TMEM181: variants seen among roughly 807,000 people sequenced by gnomAD.
TMEM181 encodes G protein-coupled receptor 178.
A neutral mutation model predicts 71.9 loss-of-function variants in TMEM181; 39 were observed. The ratio of observed to expected loss-of-function variants is 0.54; its 90% confidence interval spans 0.42 to 0.71. The LOEUF is 0.71. Among genes scored for constraint, TMEM181 ranks in the 30% least tolerant of loss-of-function variants. TMEM181 has a pLI of 0.00. For synonymous variants in TMEM181, 245 were observed against 228.8 expected, an observed-to-expected ratio of 1.07 and a Z score of -0.64; for missense variants, 595 against 583.0, an observed-to-expected ratio of 1.02 and a Z score of -0.21.
At chr6:158,555,162 G>A (rs62437761), upstream of TMEM181, among the ~76,000 whole-genome samples, 3,051 of 152,292 alleles carry the variant, frequency 0.02, 32 homozygotes, top group Non-Finnish European at 0.033. Context: ...AATGTTAGCA[G>A]GGTTTCCTTC....
intron 6 of TMEM181, among the ~76,000 whole-genome samples, chr6:158,601,080 CAA>C (rs563873984): frequency 2.0e-5 from 3 of 152,132 alleles, no homozygotes; most frequent in Non-Finnish European, 2.9e-5. Flanking sequence ...CCCAAATGCT[CAA>C]GTCGTTACTT....
chr6:158,540,712 A>T (rs886970197), intron 1 of TMEM181, among the ~76,000 whole-genome samples: 1 of 149,802 alleles, frequency 6.7e-6, no homozygotes, highest in African/African-American at 2.4e-5. Context: ...ACCCTGGGGG[A>T]ATTGGTAAGA....
intron 6 of TMEM181, among the ~76,000 whole-genome samples, chr6:158,594,875 A>G (rs1004803790): frequency 2.3e-4 from 35 of 152,098 alleles, no homozygotes; most frequent in African/African-American, 8.5e-4. Flanking sequence ...TTTAGTAGAG[A>G]CGAGGTTTCA....
intron 2 of TMEM181, among the ~76,000 whole-genome samples, chr6:158,579,450 A>G (rs574991712): frequency 6.1e-4 from 91 of 149,590 alleles, no homozygotes; most frequent in African/African-American, 2.1e-3. Context: ...GGCCGGGCGC[A>G]GTGGCTCACG....
In TMEM181 at chr6:158,625,031, C is replaced by T. The variant is rs1583054317; in HGVS notation, c.955-73C>T. 1.7e-5 allele frequency: 20 copies of T among 1,183,658 alleles called. No individual in the cohort carries two copies. In the East Asian group the frequency reaches 3.5e-4, roughly 21 times the overall value. 73.3% of individuals were successfully genotyped at this position (1,183,658 alleles called of 1,614,324 possible). On this transcript the variant is annotated intron_variant, in intron 11 of 16. Transcript: ENST00000684151. ...CTTCTAAAAACCTGTGGCTTTCCTG[C>T]CTGTGGTGGTGCTGGGAGGAGAAGG... is the stretch of plus-strand genomic sequence containing the variant.
At position 158,632,653 on chromosome 6, in the gene TMEM181, A is replaced by G. The variant is rs1346334587; in HGVS notation, c.*765A>G. ...GGCCTGTGTGTACACACATGATTAA[A>G]TGGATTTGCCTGTGGGAGGTATGGG... On this transcript the variant is annotated 3_prime_UTR_variant, in exon 17 of 17. Transcript: ENST00000684151. 6.6e-6 allele frequency: 1 copy of G among 152,322 alleles called. No individual in the cohort carries two copies. Among genetic ancestry groups the G allele is most frequent in the Non-Finnish European group, 1.5e-5 (1 of 68,088 alleles). The allele number at this position is 152,322 out of a possible 1,614,324, so 9.4% of individuals were successfully genotyped here.
intron 3 of TMEM181, 62 bp downstream of exon 3, chr6:158,581,057 G>A: frequency 2.7e-6 from 4 of 1,504,906 alleles, no homozygotes; most frequent in Non-Finnish European, 3.7e-6. Flanking sequence ...AGGTCACTGA[G>A]AAATGGTTCC....
At chr6:158,605,966 C>T (rs181836353) in intron 7 of TMEM181, among the ~76,000 whole-genome samples, 4 of 152,280 alleles carry the variant, frequency 2.6e-5, no homozygotes, top group African/African-American at 7.2e-5. Flanking sequence ...CGAAGTGTGG[C>T]GTTCTGCCTG....
At chr6:158,624,058 G>A (rs992429762) in intron 11 of TMEM181, among the ~76,000 whole-genome samples, 8 of 152,148 alleles carry the variant, frequency 5.3e-5, no homozygotes, top group East Asian at 1.9e-4. Context: ...CACTGTACCC[G>A]GCAGAAAAGC....
At chr6:158,548,849 G>A (rs1306642991) in intron 1 of TMEM181, among the ~76,000 whole-genome samples, 3 of 152,186 alleles carry the variant, frequency 2.0e-5, no homozygotes, top group Non-Finnish European at 2.9e-5. Context: ...TACGTGTTTC[G>A]GTTTGATAGC....
rs1252491728 is a variant in TMEM181, at chr6:158,632,080, G to A, written c.*192G>A. 2 of 584,484 alleles carry A rather than the reference G, an allele frequency of 3.4e-6. No homozygotes were observed. The highest frequency in any genetic ancestry group is 6.0e-6 in the Non-Finnish European group (2 of 332,276). 36.2% of individuals were successfully genotyped at this position (584,484 alleles called of 1,614,324 possible). A position where few individuals can be genotyped will look rare whatever the true frequency, so the allele number is the denominator to read the frequency against. ...GTTTAGCCAAATTTATTGTCATGGTGGCTACGAGAAGAGGCATTGATAACA... is the reference window on the plus strand; with the variant it reads ...GTTTAGCCAAATTTATTGTCATGGTAGCTACGAGAAGAGGCATTGATAACA... On this transcript the variant is annotated 3_prime_UTR_variant, in exon 17 of 17. Transcript: ENST00000684151.
intron 2 of TMEM181, among the ~76,000 whole-genome samples, chr6:158,576,225 A>G (rs567353657): frequency 6.6e-6 from 1 of 152,280 alleles, no homozygotes; most frequent in East Asian, 1.9e-4. Flanking sequence ...AGTAGCAGGT[A>G]CCCATCTTCC....
chr6:158,591,237 G>A (rs987915173), intron 6 of TMEM181, among the ~76,000 whole-genome samples: 2 of 151,888 alleles, frequency 1.3e-5, no homozygotes, highest in East Asian at 3.9e-4. Context: ...TTTCTTTCAC[G>A]TTGTGCTGGG....
chr6:158,580,706 A>G (rs1273279555), intron 2 of TMEM181, among the ~76,000 whole-genome samples: 1 of 152,164 alleles, frequency 6.6e-6, no homozygotes, highest in Non-Finnish European at 1.5e-5. Flanking sequence ...GTTGTATGCC[A>G]GTCATGCTGG....
chr6:158,550,924 T>A (rs4709210), intron 1 of TMEM181, among the ~76,000 whole-genome samples: 40,570 of 140,068 alleles, frequency 0.29, 6,624 homozygotes, highest in East Asian at 0.55. Context: ...GAACCAATAA[T>A]GTTTTAAATA....
intron 2 of TMEM181, among the ~76,000 whole-genome samples, chr6:158,575,470 C>T (rs915371774): frequency 2.0e-5 from 3 of 152,072 alleles, no homozygotes; most frequent in Non-Finnish European, 2.9e-5. Context: ...CCTGCCTCCA[C>T]GCCTGGCTAA....
intron 10 of TMEM181, 126 bp from the exon 11 acceptor site, chr6:158,623,424 C>A: frequency 5.4e-6 from 3 of 551,798 alleles, no homozygotes; most frequent in Admixed American, 3.7e-5. Context: ...TGTAAAAATC[C>A]TTCACTGTTG....
chr6:158,546,647 C>T (rs1386613618), intron 1 of TMEM181, among the ~76,000 whole-genome samples: 1 of 152,210 alleles, frequency 6.6e-6, no homozygotes, highest in East Asian at 1.9e-4. Flanking sequence ...ACACTAGAAT[C>T]CCTTAGGGAG....
At chr6:158,584,186 A>C in intron 4 of TMEM181, 142 bp downstream of exon 4, 1 of 691,820 alleles carries the variant, frequency 1.4e-6, no homozygotes. Context: ...CATAGCAACA[A>C]ATTGGAAACC....
Sources: allele counts gnomAD v4.1 joint callset (sites outside exome capture counted in the v4.1 genomes callset), GRCh38; gene constraint gnomAD v4.1.1; transcripts MANE v1.5; gene names NCBI Gene and HGNC (gene_info 2026-07-23, HGNC 2026-07-21).